The following ZNF45 variants were observed in gnomAD, a reference collection of about 807,000 sequenced individuals.
The protein encoded by ZNF45 is zinc finger protein 45, also known as BRC1744.
In ZNF45, 4 loss-of-function variants were observed where a neutral mutation model predicts 12.0. The observed-to-expected ratio is 0.33, with a 90% CI of 0.16 to 0.76. The LOEUF (loss-of-function observed/expected upper bound fraction) is 0.76, where lower values mean the gene tolerates loss of function less well. Among genes scored for constraint, ZNF45 ranks in the 30% least tolerant of loss-of-function variants. The pLI is 0.60. For missense variants in ZNF45, 700 were observed against 813.0 expected, an observed-to-expected ratio of 0.86 and a Z score of 1.69; for synonymous variants, 272 against 279.6, an observed-to-expected ratio of 0.97 and a Z score of 0.27.
At position 43,913,060 on chromosome 19, in the gene ZNF45, G is replaced by A. The variant is rs1972337160; in HGVS notation, c.*327C>T. The A allele has an allele frequency of 4.3e-6, 1 of 231,854 alleles. No homozygotes were observed. Among genetic ancestry groups the A allele is most frequent in the African/African-American group, 2.3e-5 (1 of 44,404 alleles). The allele number at this position is 231,854 out of a possible 1,614,324, so 14.4% of individuals were successfully genotyped here. A position where few individuals can be genotyped will look rare whatever the true frequency, so the allele number is the denominator to read the frequency against. On this transcript the variant is annotated 3_prime_UTR_variant, in exon 10 of 10. Transcript: ENST00000269973. ...GAAAAATTACAACGTATTAGGCACTGAAAAGGCAGAGTAGATTTGGCAGTC... is the reference window on the plus strand; with the variant it reads ...GAAAAATTACAACGTATTAGGCACTAAAAAGGCAGAGTAGATTTGGCAGTC...
At chr19:43,927,139 C>T (rs1335656065) in intron 3 of ZNF45, among the ~76,000 whole-genome samples, 1 of 152,200 alleles carries the variant, frequency 6.6e-6, no homozygotes, top group Admixed American at 6.5e-5. Context: ...CTCCTAACTG[C>T]ACCCCAACAC....
chr19:43,934,027 T>A (rs1043817061), intron 2 of ZNF45, among the ~76,000 whole-genome samples: 1 of 152,206 alleles, frequency 6.6e-6, no homozygotes, highest in African/African-American at 2.4e-5. Flanking sequence ...TTTATATGGA[T>A]CATTTATCTA....
chr19:43,921,513 G>A (rs2146952297), intron 7 of ZNF45, among the ~76,000 whole-genome samples: 1 of 152,258 alleles, frequency 6.6e-6, no homozygotes, highest in South Asian at 2.1e-4. Context: ...GTGGCATCAT[G>A]TCACACGATG....
intron 3 of ZNF45, among the ~76,000 whole-genome samples, chr19:43,928,972 C>T (rs1219155423): frequency 6.6e-6 from 1 of 152,132 alleles, no homozygotes; most frequent in African/African-American, 2.4e-5. Context: ...ATTTTCATAA[C>T]GATGATAGAG....
At chr19:43,931,020 A>G (rs1189791962) in intron 3 of ZNF45, among the ~76,000 whole-genome samples, 2 of 151,926 alleles carry the variant, frequency 1.3e-5, no homozygotes, top group East Asian at 3.9e-4. Flanking sequence ...ACATGCGGCT[A>G]ATGGCTACAC....
Position 43,914,016 on chromosome 19 carries a change from A to G in ZNF45, c.1420T>C (p.Cys474Arg). ...CTGAAGCCCTTCCCACATGTACCAC[A>G]TTTGTAGGGTTTCTCTCCAGTGTGG... is the stretch of plus-strand genomic sequence containing the variant. ...RGHTGEKPYK[C>R]GTCGKGFSRS... The change falls in exon 10 of 10, where the codon TGT (cysteine) becomes CGT (arginine). Residue 474 changes from cysteine (C) to arginine (R), a missense_variant. Cys to Arg is a radical substitution (Grantham distance 180). Coordinates refer to ENST00000269973, the MANE Select transcript of ZNF45 (RefSeq NM_003425.4). The G allele has an allele frequency of 6.2e-7, 1 of 1,613,980 alleles. No homozygotes were observed. Among genetic ancestry groups the G allele is most frequent in the Non-Finnish European group, 8.5e-7 (1 of 1,179,994 alleles).
rs1388851368 is a variant in ZNF45 at position 43,912,696 on chromosome 19, A to T, written c.*691T>A. 6.6e-6 allele frequency: 1 copy of T among 152,224 alleles called. No homozygotes were observed. The highest frequency in any genetic ancestry group is 2.4e-5 in the African/African-American group (1 of 41,452). The allele number at this position is 152,224 out of a possible 1,614,324, so 9.4% of individuals were successfully genotyped here. ...CATATTGTATACATTGATCTTGGTG[A>T]TGATTACATTTGTCAAAATTCAGAA... On this transcript the variant is annotated 3_prime_UTR_variant, in exon 10 of 10. Coordinates refer to ENST00000269973, the MANE Select transcript of ZNF45 (RefSeq NM_003425.4).
At chr19:43,919,046 T>C in intron 8 of ZNF45, 84 bp from the exon 9 acceptor site, 1 of 1,085,290 alleles carries the variant, frequency 9.2e-7, no homozygotes. Flanking sequence ...TTTCATCGTC[T>C]TCAGGACATC....
rs1188122202 is a variant in ZNF45 at position 43,912,690 on chromosome 19, T to G, written c.*697A>C. ...AATAGACATATTGTATACATTGATC[T>G]TGGTGATGATTACATTTGTCAAAAT... On this transcript the variant is annotated 3_prime_UTR_variant, in exon 10 of 10. Transcript: ENST00000269973. 6 of 152,346 alleles carry G rather than the reference T, an allele frequency of 3.9e-5. 1 individual carries two copies. Among genetic ancestry groups the G allele is most frequent in the Middle Eastern group, 6.8e-3 (2 of 294 alleles). The allele number at this position is 152,346 out of a possible 1,614,324, so 9.4% of individuals were successfully genotyped here.
intron 6 of ZNF45, among the ~76,000 whole-genome samples, chr19:43,923,787 A>G (rs1243688468): frequency 6.6e-6 from 1 of 152,078 alleles, no homozygotes; most frequent in Admixed American, 6.6e-5. Context: ...TAACCACGTT[A>G]TCTCTATGAA....
At position 43,922,435 on chromosome 19, in the gene ZNF45, C is replaced by G. The variant is rs2146976822; in HGVS notation, c.-32-218G>C. Reference sequence around the variant, plus strand: ...TAAGACCCTGGCAGCAAGTGACCTGCCCGACCACACAGAGTATGCCCCCAA... The same window carrying G: ...TAAGACCCTGGCAGCAAGTGACCTGGCCGACCACACAGAGTATGCCCCCAA... On this transcript the variant is annotated intron_variant, in intron 6 of 9. Coordinates refer to ENST00000269973, the MANE Select transcript of ZNF45 (RefSeq NM_003425.4). 3 of 482,280 alleles carry G rather than the reference C, an allele frequency of 6.2e-6. No individual in the cohort carries two copies. The South Asian group carries it at 1.1e-4, about 18-fold the overall frequency. The allele number at this position is 482,280 out of a possible 1,614,324, so 29.9% of individuals were successfully genotyped here.
rs1972501772 is a variant in ZNF45, at chr19:43,914,779, T to C, written c.657A>G (p.Ser219=). ...AHQRVHSRAK[S]YTNDASYRSF... ...TCCTGTAACTTGCATCATTTGTGTA[T>C]GATTTTGCTCTACTGTGGACTCTCT... is the stretch of plus-strand genomic sequence containing the variant. The change falls in exon 10 of 10, where the codon TCA becomes TCG. Residue 219 remains serine, a synonymous_variant. Transcript: ENST00000269973. 1.2e-6 allele frequency: 2 copies of C among 1,614,044 alleles called. No homozygotes were observed. The highest frequency in any genetic ancestry group is 1.7e-6 in the Non-Finnish European group (2 of 1,180,036).
chr19:43,923,977 T>TAA (rs202194694), intron 6 of ZNF45, among the ~76,000 whole-genome samples: 4 of 100,326 alleles, frequency 4.0e-5, no homozygotes, highest in Non-Finnish European at 4.4e-5. Context: ...AAAAAAAATC[T>TAA]AAAAAAAAAA....
Position 43,913,809 on chromosome 19 carries a change from G to A in ZNF45, c.1627C>T (p.Leu543Phe). The A allele has an allele frequency of 6.2e-7, 1 of 1,613,792 alleles. No homozygotes were observed. Among genetic ancestry groups the A allele is most frequent in the Non-Finnish European group, 8.5e-7 (1 of 1,179,934 alleles). Reference sequence around the variant, plus strand: ...GTGTGGCACCTCTGATGGGCTTGAAGCTGTGAACCTACACTGAAGCCCTTC... The same window carrying A: ...GTGTGGCACCTCTGATGGGCTTGAAACTGTGAACCTACACTGAAGCCCTTC... ...CGKGFSVGSQ[L>F]QAHQRCHTGE... Residue 543 changes from leucine to phenylalanine, a missense_variant, in exon 10 of 10, where the codon CTT becomes TTT. By Grantham distance (22) the Leu-to-Phe change is conservative (BLOSUM62 0). Coordinates refer to ENST00000269973, the MANE Select transcript of ZNF45 (RefSeq NM_003425.4).
intron 9 of ZNF45, among the ~76,000 whole-genome samples, chr19:43,917,282 T>C (rs1972764428): frequency 1.3e-5 from 2 of 152,238 alleles, no homozygotes. Flanking sequence ...AATGTATTTC[T>C]TATTGTAACT....
intron 7 of ZNF45, among the ~76,000 whole-genome samples, chr19:43,920,861 GA>G (rs1973110925): frequency 6.6e-6 from 1 of 152,062 alleles, no homozygotes; most frequent in South Asian, 2.1e-4. Context: ...CTCGGCCTCA[GA>G]AACTGCTGGG....
chr19:43,913,620 G>A lies in ZNF45; in HGVS notation c.1816C>T (p.His606Tyr), dbSNP rs764558327. Residue 606 changes from histidine (H) to tyrosine (Y), a missense_variant, in exon 10 of 10, where the codon CAC becomes TAC. By Grantham distance (83) the His-to-Tyr change is moderately conservative. Coordinates refer to ENST00000269973, the MANE Select transcript of ZNF45 (RefSeq NM_003425.4). ...RSYLQAHQRVHTGERPYKCEE... is the reference protein window; with the variant it reads ...RSYLQAHQRVYTGERPYKCEE... Reference sequence around the variant, plus strand: ...CATTTGTATGGTCTCTCTCCTGTGTGGACCCTCTGGTGGGCTTGAAGGTAG... The same window carrying A: ...CATTTGTATGGTCTCTCTCCTGTGTAGACCCTCTGGTGGGCTTGAAGGTAG... The A allele has an allele frequency of 3.1e-6, 5 of 1,614,052 alleles. No individual in the cohort carries two copies. The highest frequency in any genetic ancestry group is 3.4e-6 in the Non-Finnish European group (4 of 1,180,006).
chr19:43,921,763 A>G (rs2146957975), intron 7 of ZNF45, among the ~76,000 whole-genome samples: 1 of 152,356 alleles, frequency 6.6e-6, no homozygotes, highest in East Asian at 1.9e-4. Context: ...ACAGAGTAAC[A>G]TCAATTCAAG....
At chr19:43,924,207 A>C (rs1307093109) in intron 6 of ZNF45, 31 bp downstream of exon 6, 1 of 152,242 alleles carries the variant, frequency 6.6e-6, no homozygotes, top group Non-Finnish European at 1.5e-5. Flanking sequence ...AACTTGGCAC[A>C]TGATGTTTCA....
Sources: allele counts gnomAD v4.1 joint callset (sites outside exome capture counted in the v4.1 genomes callset), GRCh38; gene constraint gnomAD v4.1.1; transcripts MANE v1.5; gene names NCBI Gene and HGNC (gene_info 2026-07-23, HGNC 2026-07-21).